The following COL17A1 variants were observed in gnomAD, a reference collection of about 807,000 sequenced individuals.
The protein encoded by COL17A1 is collagen type XVII alpha 1 chain, also known as collagen alpha-1(XVII) chain.
In COL17A1, 181 loss-of-function variants were observed where a neutral mutation model predicts 218.4. That is an observed-to-expected ratio of 0.83 (90% CI 0.73 to 0.94). COL17A1 has a LOEUF of 0.94. Ranked by LOEUF, COL17A1 falls within the 40% of genes least tolerant of loss-of-function variation. COL17A1 has a pLI of 0.00. For missense variants in COL17A1, 1,924 were observed against 1,945.9 expected (o/e 0.99, Z 0.21); for synonymous variants, 721 against 731.0 (o/e 0.99, Z 0.22).
intron 5 of COL17A1, among the ~76,000 whole-genome samples, chr10:104,075,112 C>T (rs536178949): frequency 1.5e-4 from 23 of 152,280 alleles, no homozygotes; most frequent in East Asian, 3.9e-4. Context: ...TTATTCCCTC[C>T]GCTTTACCTT....
chr10:104,084,567 A>AT (rs1463699533), intron 1 of COL17A1, among the ~76,000 whole-genome samples: 1 of 152,090 alleles, frequency 6.6e-6, no homozygotes, highest in African/African-American at 2.4e-5. Context: ...CTAATTTTGT[A>AT]TTTTTTGTAG....
chr10:104,043,476 G>A, intron 35 of COL17A1, 25 bp downstream of exon 35: 2 of 1,606,490 alleles, frequency 1.2e-6, no homozygotes, highest in Non-Finnish European at 1.7e-6. Context: ...TGCTGATTTG[G>A]GGCAAAGCAA....
chr10:104,067,334 T>TAAAAAAAAAAAAAAAA (rs58260510), intron 9 of COL17A1, among the ~76,000 whole-genome samples: 1 of 110,430 alleles, frequency 9.1e-6, no homozygotes, highest in Non-Finnish European at 1.7e-5. Flanking sequence ...GGCTCAGGAA[T>TAAAAAAAAAAAAAAAA]AAAAAAAAAA....
rs370492174 is a variant in COL17A1 at position 104,054,087 on chromosome 10, C to T, written c.1771+5G>A. ...CAGGCCTGGAGGTCATCAGAGAGTA[C>T]ATACCTGGAGTCCCAGGGAACCCTC... On this transcript the variant is annotated splice_donor_5th_base_variant and intron_variant, in intron 21 of 55. Transcript: ENST00000648076. The T allele has an allele frequency of 3.1e-6, 5 of 1,612,742 alleles. No homozygotes were observed. The African/African-American group carries it at 6.7e-5, about 21-fold the overall frequency.
chr10:104,048,022 G>A, intron 30 of COL17A1, 47 bp downstream of exon 30: 1 of 1,611,742 alleles, frequency 6.2e-7, no homozygotes, highest in South Asian at 1.1e-5. Context: ...TGCTGGAACA[G>A]GGGCTGTGAC....
intron 1 of COL17A1, among the ~76,000 whole-genome samples, chr10:104,083,643 G>A (rs556922838): frequency 2.2e-4 from 33 of 151,934 alleles, no homozygotes; most frequent in Admixed American, 7.9e-4. Context: ...CTATTCAGCC[G>A]ATGCTGTCTA....
chr10:104,034,610 G>T lies in COL17A1; in HGVS notation c.3766+11C>A, dbSNP rs778210729. 2.5e-6 allele frequency: 4 copies of T among 1,608,356 alleles called. No homozygotes were observed. Among genetic ancestry groups the T allele is most frequent in the African/African-American group, 1.3e-5 (1 of 74,988 alleles). On this transcript the variant is annotated intron_variant, in intron 51 of 55. Coordinates refer to ENST00000648076, the MANE Select transcript of COL17A1 (RefSeq NM_000494.4). ...GGGTGCCTGGTGGGGCATCACCGTC[G>T]GGGCACCTACTTGTGAGGTAGCTGA...
At chr10:104,067,218 C>A (rs1209444187) in intron 9 of COL17A1, among the ~76,000 whole-genome samples, 1 of 148,860 alleles carries the variant, frequency 6.7e-6, no homozygotes, top group Non-Finnish European at 1.5e-5. Context: ...CCTAAGGGAA[C>A]GAATAATTAA....
Position 104,058,700 on chromosome 10 carries a change from G to A in COL17A1, c.1223-510C>T, listed in dbSNP as rs1055598038. On this transcript the variant is annotated intron_variant, in intron 15 of 55. Coordinates refer to ENST00000648076, the MANE Select transcript of COL17A1 (RefSeq NM_000494.4). ...TGTAATCCCAGGACTTTGGGAGGCC[G>A]AGGCGGGCAGATCACGAGGTCAGGA... Among the ~76,000 whole-genome samples, 4 of 152,148 alleles carry A rather than the reference G, an allele frequency of 2.6e-5. 1 individual carries two copies. Among genetic ancestry groups the A allele is most frequent in the Admixed American group, 2.6e-4 (4 of 15,284 alleles).
chr10:104,037,222 AGTG>A (rs1564672108), intron 46 of COL17A1, 109 bp from the exon 47 acceptor site: 4 of 960,058 alleles, frequency 4.2e-6, no homozygotes, highest in Non-Finnish European at 6.5e-6. Context: ...CTTTGGGGGA[AGTG>A]GATGAATGGA....
chr10:104,082,406 G>A (rs2086772707), intron 1 of COL17A1, among the ~76,000 whole-genome samples: 1 of 152,170 alleles, frequency 6.6e-6, no homozygotes, highest in Admixed American at 6.5e-5. Flanking sequence ...ACCTCTGAAA[G>A]CCTTCTCTGA....
rs139344319 is a variant in COL17A1, at chr10:104,076,343, T to A, written c.289A>T (p.Thr97Ser). The change falls in exon 5 of 56, where the codon ACC becomes TCC. Residue 97 changes from threonine to serine, a missense_variant. Physicochemically the swap from Thr to Ser is moderately conservative, Grantham distance 58. Coordinates refer to ENST00000648076, the MANE Select transcript of COL17A1 (RefSeq NM_000494.4). The stretch of plus-strand genomic sequence containing the variant: ...GTAACGTGAGTTTTCCTTTCAAAGG[T>A]TGAGCCTGGGGAGTTGGGCAGAGTG... ...ASTLPNSPGSTFERKTHVTRH... is the reference protein window; with the variant it reads ...ASTLPNSPGSSFERKTHVTRH... The A allele has an allele frequency of 1.2e-6, 2 of 1,613,994 alleles. No homozygotes were observed. The highest frequency in any genetic ancestry group is 2.7e-5 in the African/African-American group (2 of 74,898).
chr10:104,035,180 G>T, intron 50 of COL17A1, 83 bp downstream of exon 50: 1 of 1,175,998 alleles, frequency 8.5e-7, no homozygotes, highest in East Asian at 2.5e-5. Context: ...GGAGCACTTA[G>T]ACTGCCCTTG....
chr10:104,060,523 A>G (rs1318169737), intron 13 of COL17A1, among the ~76,000 whole-genome samples: 1 of 151,974 alleles, frequency 6.6e-6, no homozygotes. Context: ...GAAGCTCTGG[A>G]TGGCTGGTTT....
In COL17A1 at chr10:104,059,998, T is replaced by G. The variant is rs918415734; in HGVS notation, c.1141+121A>C. 17 of 1,504,280 alleles carry G rather than the reference T, an allele frequency of 1.1e-5. No homozygotes were observed. The East Asian group carries it at 1.4e-4, about 13-fold the overall frequency. 93.2% of individuals were successfully genotyped at this position (1,504,280 alleles called of 1,614,324 possible). On this transcript the variant is annotated intron_variant, in intron 14 of 55. Transcript: ENST00000648076. ...ATACTATTCAGACAGGTGCTTTTCA[T>G]TAGAATGGGATGGCTATGGTTTCAT...
rs147785714 is a variant in COL17A1, at chr10:104,040,390, G to C, written c.2722C>G (p.Pro908Ala). Residue 908 changes from proline (P) to alanine (A), a missense_variant, in exon 40 of 56, where the codon CCA (proline) becomes GCA (alanine). Coordinates refer to ENST00000648076, the MANE Select transcript of COL17A1 (RefSeq NM_000494.4). Reference sequence around the variant, plus strand: ...GGACCTGGGGGGCCAGGTGGGCCTGGGGGGCCGGAGAGGAAGGTTTCTGCA... The same window carrying C: ...GGACCTGGGGGGCCAGGTGGGCCTGCGGGGCCGGAGAGGAAGGTTTCTGCA... ...SNSETFLSGP[P>A]GPPGPPGPKG... The C allele has an allele frequency of 5.5e-4, 881 of 1,611,446 alleles. 1 individual carries two copies. Among genetic ancestry groups the C allele is most frequent in the Non-Finnish European group, 7.0e-4 (826 of 1,177,584 alleles).
intron 35 of COL17A1, 48 bp downstream of exon 35, chr10:104,043,453 C>G: frequency 6.5e-7 from 1 of 1,527,336 alleles, no homozygotes; most frequent in South Asian, 1.1e-5. Flanking sequence ...GAGTCACTAC[C>G]GCCAAGACCT....
intron 45 of COL17A1, 66 bp from the exon 46 acceptor site, chr10:104,037,839 G>A (rs2134577460): frequency 6.3e-7 from 1 of 1,579,008 alleles, no homozygotes; most frequent in Admixed American, 1.8e-5. Flanking sequence ...CCACGGAGGT[G>A]ACCTGAAGCA....
chr10:104,071,490 A>G (rs1028906331), intron 8 of COL17A1, among the ~76,000 whole-genome samples: 1 of 152,220 alleles, frequency 6.6e-6, no homozygotes, highest in Non-Finnish European at 1.5e-5. Context: ...GGTATCTAAC[A>G]TATTCCATCG....
Sources: allele counts gnomAD v4.1 joint callset (sites outside exome capture counted in the v4.1 genomes callset), GRCh38; gene constraint gnomAD v4.1.1; transcripts MANE v1.5; gene names NCBI Gene and HGNC (gene_info 2026-07-23, HGNC 2026-07-21).